ABL2: variants seen among roughly 807,000 people sequenced by gnomAD.
ABL2 encodes the protein tyrosine-protein kinase ABL2.
A neutral mutation model predicts 107.7 loss-of-function variants in ABL2; 49 were observed. The observed-to-expected ratio is 0.45, with a 90% CI of 0.36 to 0.58. The LOEUF is 0.58. Among genes scored for constraint, ABL2 ranks in the 20% least tolerant of loss-of-function variants. The pLI, the probability that ABL2 is intolerant of heterozygous loss-of-function variation, is 0.00. For missense variants in ABL2, 1,245 were observed against 1,457.0 expected (o/e 0.85, Z 2.37); for synonymous variants, 549 against 548.6 (o/e 1.00, Z -0.01).
intron 1 of ABL2, among the ~76,000 whole-genome samples, chr1:179,166,836 T>A: frequency 7.0e-6 from 1 of 142,842 alleles, no homozygotes; most frequent in Non-Finnish European, 1.5e-5. Flanking sequence ...GAAATGCAAA[T>A]CAAAACCACA....
intron 1 of ABL2, among the ~76,000 whole-genome samples, chr1:179,174,817 C>A (rs924012408): frequency 6.7e-6 from 1 of 149,182 alleles, no homozygotes; most frequent in Non-Finnish European, 1.5e-5. Context: ...ATCACTTGAA[C>A]CTGGGAGGTG....
At chr1:179,224,191 A>T (rs1456168611) in intron 1 of ABL2, among the ~76,000 whole-genome samples, 1 of 151,500 alleles carries the variant, frequency 6.6e-6, no homozygotes, top group African/African-American at 2.4e-5. Context: ...AAATAAATAA[A>T]TCAGATCACT....
rs115470161 is a variant in ABL2 at position 179,220,491 on chromosome 1, G to A, written c.157+8750C>T. On this transcript the variant is annotated intron_variant, in intron 1 of 11. Transcript: ENST00000502732. Reference sequence around the variant, plus strand: ...GCCGCACAGGACAGTGCCTTGTTTAGGCGATGGTCACTTTGTCAGGAAAAT... The same window carrying A: ...GCCGCACAGGACAGTGCCTTGTTTAAGCGATGGTCACTTTGTCAGGAAAAT... 4.0e-3 allele frequency among the ~76,000 whole-genome samples: 608 copies of A among 152,294 alleles called. 5 individuals are homozygous for A. Among genetic ancestry groups the A allele is most frequent in the African/African-American group, 0.014 (566 of 41,558 alleles).
chr1:179,168,262 T>C (rs1296339014), intron 1 of ABL2, among the ~76,000 whole-genome samples: 1 of 152,228 alleles, frequency 6.6e-6, no homozygotes, highest in African/African-American at 2.4e-5. Context: ...TTATATAAAA[T>C]AGCATGGTAT....
intron 1 of ABL2, chr1:179,184,546 G>A (rs28914473): frequency 0.026 from 14,865 of 574,686 alleles, 300 homozygotes; most frequent in Middle Eastern, 0.065. Context: ...GTTACCGACT[G>A]ATATGGATGA....
In ABL2 at chr1:179,102,619, A is replaced by T. The variant is rs1653188431; in HGVS notation, c.*5099T>A. The T allele has an allele frequency of 4.4e-6, 1 of 229,376 alleles. No individual in the cohort carries two copies. Among genetic ancestry groups the T allele is most frequent in the Non-Finnish European group, 8.6e-6 (1 of 115,618 alleles). The allele number at this position is 229,376 out of a possible 1,614,324, so 14.2% of individuals were successfully genotyped here. On this transcript the variant is annotated 3_prime_UTR_variant, in exon 12 of 12. Coordinates refer to ENST00000502732, the MANE Select transcript of ABL2 (RefSeq NM_007314.4). ...AGGTGGAACAATTTAATGCAAGATG[A>T]TGAAACTCAAAAATCAAGAACAAAA...
chr1:179,194,935 A>C (rs1324387193), intron 1 of ABL2, among the ~76,000 whole-genome samples: 1 of 152,212 alleles, frequency 6.6e-6, no homozygotes, highest in Non-Finnish European at 1.5e-5. Flanking sequence ...ACAAATAGCC[A>C]ATAAACACTT....
chr1:179,160,299 A>T (rs1256871325), intron 1 of ABL2, among the ~76,000 whole-genome samples: 1 of 152,052 alleles, frequency 6.6e-6, no homozygotes, highest in Non-Finnish European at 1.5e-5. Context: ...GGATCACCTG[A>T]GGCCAGGAGT....
chr1:179,211,077 G>C (rs892278815), intron 1 of ABL2, among the ~76,000 whole-genome samples: 5 of 151,996 alleles, frequency 3.3e-5, no homozygotes, highest in African/African-American at 1.2e-4. Flanking sequence ...TCAGGAAACA[G>C]AAGACTTGAA....
intron 1 of ABL2, among the ~76,000 whole-genome samples, chr1:179,189,828 T>G (rs886747977): frequency 4.1e-5 from 6 of 147,308 alleles, no homozygotes; most frequent in Admixed American, 6.8e-5. Context: ...ATTTTTTTTG[T>G]TTTTTTTTTG....
At chr1:179,196,578 G>C (rs1661319766) in intron 1 of ABL2, 1 of 152,136 alleles carries the variant, frequency 6.6e-6, no homozygotes, top group Non-Finnish European at 1.5e-5. Flanking sequence ...TGGCCAATAT[G>C]GCGAAACCCC....
In ABL2 at chr1:179,109,429, C is replaced by A. The variant is rs769266022; in HGVS notation, c.1838G>T (p.Gly613Val). The A allele has an allele frequency of 6.2e-7, 1 of 1,611,390 alleles. No homozygotes were observed. The highest frequency in any genetic ancestry group is 8.5e-7 in the Non-Finnish European group (1 of 1,179,034). ...ASSLAPGFIRGAQASSGSPAL... is the reference protein window; with the variant it reads ...ASSLAPGFIRVAQASSGSPAL... ...TGGGGATCCACTAGAGGCCTGTGCA[C>A]CTCTGATGAACCCTGATGAGAAATG... is the stretch of plus-strand genomic sequence containing the variant. The change falls in exon 12 of 12, where the codon GGT (glycine) becomes GTT (valine). Residue 613 changes from glycine (G) to valine (V), a missense_variant. By Grantham distance (109) the Gly-to-Val change is moderately radical (BLOSUM62 -3). This residue lies in a region of ABL2 where 761 missense variants were observed against 766.4 expected (regional missense o/e 0.99). Transcript: ENST00000502732.
chr1:179,225,617 G>A (rs532191098), intron 1 of ABL2, among the ~76,000 whole-genome samples: 3 of 152,252 alleles, frequency 2.0e-5, no homozygotes, highest in African/African-American at 7.2e-5. Context: ...CAAGTAAGGG[G>A]CAAAAAGAAG....
intron 1 of ABL2, among the ~76,000 whole-genome samples, chr1:179,151,754 AT>A (rs1571206521): frequency 6.6e-6 from 1 of 152,314 alleles, no homozygotes; most frequent in East Asian, 1.9e-4. Context: ...ATTTAATTCA[AT>A]TTCTCCCTAA....
chr1:179,147,297 AG>A (rs1658065526), intron 1 of ABL2, among the ~76,000 whole-genome samples: 1 of 152,112 alleles, frequency 6.6e-6, no homozygotes, highest in Non-Finnish European at 1.5e-5. Context: ...TACGAAAAAC[AG>A]TATAGAAATT....
chr1:179,132,569 C>T (rs1269669011), intron 2 of ABL2, among the ~76,000 whole-genome samples: 1 of 151,842 alleles, frequency 6.6e-6, no homozygotes, highest in African/African-American at 2.4e-5. Context: ...TGGAGTTTCG[C>T]TCTTGTTGCC....
chr1:179,102,791 ACTTTT>A lies in ABL2; in HGVS notation c.*4922_*4926del, dbSNP rs201369334. The stretch of plus-strand genomic sequence containing the variant: ...TCAGAAGTGGCCACCAAGGCAATTT[ACTTTT>A]GAGTATTTTATAATAGGTGAATTAA... On this transcript the variant is annotated 3_prime_UTR_variant, in exon 12 of 12. Transcript: ENST00000502732. 1,776 of 227,542 alleles carry A rather than the reference ACTTTT, an allele frequency of 7.8e-3. 29 individuals are homozygous for A. The highest frequency in any genetic ancestry group is 0.036 in the African/African-American group (1,634 of 45,090). 14.1% of individuals were successfully genotyped at this position (227,542 alleles called of 1,614,324 possible).
chr1:179,130,396 A>G (rs975089263), intron 3 of ABL2, among the ~76,000 whole-genome samples: 2 of 152,240 alleles, frequency 1.3e-5, no homozygotes, highest in African/African-American at 4.8e-5. Context: ...TAAACCAACT[A>G]TATCACTAAG....
At position 179,118,155 on chromosome 1, in the gene ABL2, AG is replaced by A. The variant is rs1406436840; in HGVS notation, c.1223+431del. 9.3e-5 allele frequency among the ~76,000 whole-genome samples: 14 copies of A among 151,310 alleles called. No homozygotes were observed. In the East Asian group the frequency reaches 2.4e-3, roughly 25 times the overall value. On this transcript the variant is annotated intron_variant, in intron 7 of 11. Coordinates refer to ENST00000502732, the MANE Select transcript of ABL2 (RefSeq NM_007314.4). ...GCGATGGAGCCAGCCTGTCTCAAGA[AG>A]GAAAAAAAAAAAAAGCCACTAGATG...
Sources: gnomAD v4.1 joint callset for allele counts (sites outside exome capture counted in the v4.1 genomes callset) on GRCh38, gnomAD v4.1.1 for gene constraint, gnomAD v4.1.1 regional missense constraint, MANE v1.5 for transcripts, NCBI Gene and HGNC (gene_info 2026-07-23, HGNC 2026-07-21) for gene names.